TCF20: variants seen among roughly 807,000 people sequenced by gnomAD.
TCF20 encodes transcription factor 20.
Under a neutral mutation model 148.6 loss-of-function variants are expected in TCF20, and 3 were observed. The ratio of observed to expected loss-of-function variants is 0.02; its 90% CI spans 0.01 to 0.05. The LOEUF (loss-of-function observed/expected upper bound fraction) is 0.05. TCF20 is among the 10% of genes least tolerant of loss of function. TCF20 has a pLI of 1.00. For missense variants in TCF20, 2,350 were observed against 2,429.3 expected, an observed-to-expected ratio of 0.97 and a Z score of 0.69; for synonymous variants, 1,049 against 909.5, an observed-to-expected ratio of 1.15 and a Z score of -2.76.
intron 3 of TCF20, among the ~76,000 whole-genome samples, chr22:42,175,898 G>A (rs1046772945): frequency 6.6e-6 from 1 of 151,886 alleles, no homozygotes; most frequent in Non-Finnish European, 1.5e-5. Flanking sequence ...CCCCTCCTGG[G>A]TCCTTCCATC....
chr22:42,168,591 C>T lies in TCF20; in HGVS notation c.*44+18G>A. ...GGGAGCCGGGCAGGATGCAGGGAGC[C>T]CGGTGGCCCCGACTCACCTGTGCTT... On this transcript the variant is annotated intron_variant, in intron 5 of 5. Coordinates refer to ENST00000677622, the MANE Select transcript of TCF20 (RefSeq NM_001378418.1). 6.5e-7 allele frequency: 1 copy of T among 1,547,656 alleles called. No individual in the cohort carries two copies. Among genetic ancestry groups the T allele is most frequent in the Non-Finnish European group, 8.7e-7 (1 of 1,149,266 alleles).
intron 3 of TCF20, among the ~76,000 whole-genome samples, chr22:42,176,770 G>A (rs1465148953): frequency 6.6e-6 from 1 of 152,106 alleles, no homozygotes; most frequent in African/African-American, 2.4e-5. Flanking sequence ...GCATGTTCTC[G>A]CTCATGTGGA....
rs950353856 is a variant in TCF20, at chr22:42,317,538, A to G, written c.-37+25941T>C. Among the ~76,000 whole-genome samples the G allele has an allele frequency of 6.6e-6, 1 of 152,160 alleles. No homozygotes were observed. The highest frequency in any genetic ancestry group is 1.5e-5 in the Non-Finnish European group (1 of 68,026). On this transcript the variant is annotated intron_variant, in intron 1 of 1. Transcript: ENST00000515426. The surrounding 1 kb of genome is among the most constrained non-coding windows in gnomAD (Gnocchi z 4.2). ...CTCACTACCTGGTACATGGGCAAAG[A>G]AAAATACCCCCATCTCACCAAGGTG... is the stretch of plus-strand genomic sequence containing the variant.
chr22:42,285,981 G>A (rs998601666), upstream of TCF20, among the ~76,000 whole-genome samples: 3 of 152,192 alleles, frequency 2.0e-5, no homozygotes, highest in African/African-American at 7.2e-5. The surrounding 1 kb of genome is among the most constrained non-coding windows in gnomAD (Gnocchi z 4.2). Context: ...TGTAAGGCAG[G>A]AAGAAATGGT....
At chr22:42,334,643 C>T (rs551311405) in intron 1 of TCF20, among the ~76,000 whole-genome samples, 31 of 152,380 alleles carry the variant, frequency 2.0e-4, no homozygotes, top group African/African-American at 6.5e-4. Context: ...GACACACTGG[C>T]GCCTGTCATG....
chr22:42,215,101 T>C lies in TCF20; in HGVS notation c.205A>G (p.Met69Val). Reference protein sequence around the residue: ...RRGAAAAAAAMASETSGHQGY... With the variant: ...RRGAAAAAAAVASETSGHQGY... ...TGATGGCCAGAGGTCTCGCTAGCCA[T>C]CGCTGCCGCAGCAGCTGCTGCTCCT... Residue 69 changes from methionine (M) to valine (V), a missense_variant, in exon 2 of 6, where the codon ATG becomes GTG. Met to Val is a conservative substitution (Grantham distance 21). Transcript: ENST00000677622. The C allele has an allele frequency of 6.2e-7, 1 of 1,614,134 alleles. No individual in the cohort carries two copies. The highest frequency in any genetic ancestry group is 8.5e-7 in the Non-Finnish European group (1 of 1,180,000).
intron 1 of TCF20, among the ~76,000 whole-genome samples, chr22:42,247,901 A>G (rs887827150): frequency 2.0e-5 from 3 of 152,188 alleles, no homozygotes; most frequent in East Asian, 1.9e-4. Flanking sequence ...CACTAACTAG[A>G]AAGAAAAAAT....
intron 3 of TCF20, among the ~76,000 whole-genome samples, chr22:42,179,256 T>C (rs1936629181): frequency 6.6e-6 from 1 of 151,818 alleles, no homozygotes; most frequent in Non-Finnish European, 1.5e-5. Context: ...TTCACACAAA[T>C]GCTTGCATGT....
intron 1 of TCF20, among the ~76,000 whole-genome samples, chr22:42,239,290 A>T (rs1198558275): frequency 1.3e-5 from 2 of 151,430 alleles, no homozygotes; most frequent in African/African-American, 4.9e-5. Context: ...CAGCCTAGCC[A>T]ATACGGAGAA....
rs1714568679 is a variant in TCF20 at position 42,270,403 on chromosome 22, G to T, written c.-101C>A. On this transcript the variant is annotated 5_prime_UTR_variant, in exon 1 of 6. Coordinates refer to ENST00000677622, the MANE Select transcript of TCF20 (RefSeq NM_001378418.1). ...GGGCGGGCGGGGAGGGAGCGGTGGC[G>T]ACGGCGGGCGGCGCTGCGCGGGGTG... 1.3e-5 allele frequency among the ~76,000 whole-genome samples: 2 copies of T among 149,444 alleles called. No individual in the cohort carries two copies. The highest frequency in any genetic ancestry group is 2.1e-4 in the South Asian group (1 of 4,798).
intron 1 of TCF20, among the ~76,000 whole-genome samples, chr22:42,243,959 C>T (rs1924689211): frequency 6.6e-6 from 1 of 152,072 alleles, no homozygotes; most frequent in South Asian, 2.1e-4. Context: ...TCACATATTG[C>T]TGGTGGGGGC....
At chr22:42,252,333 G>A (rs1601664465) in intron 1 of TCF20, among the ~76,000 whole-genome samples, 1 of 151,586 alleles carries the variant, frequency 6.6e-6, no homozygotes, top group African/African-American at 2.4e-5. Flanking sequence ...TCAGAATTAT[G>A]GCCTAAACCC....
At chr22:42,305,316 C>T (rs896211011) in intron 1 of TCF20, among the ~76,000 whole-genome samples, 9 of 152,244 alleles carry the variant, frequency 5.9e-5, no homozygotes, top group South Asian at 2.1e-4. Context: ...CCCCTCAGGG[C>T]ATGGCACTGC....
At chr22:42,181,925 G>A (rs750695950) in intron 2 of TCF20, among the ~76,000 whole-genome samples, 3 of 152,210 alleles carry the variant, frequency 2.0e-5, no homozygotes, top group African/African-American at 4.8e-5. Flanking sequence ...AGAGACAAGA[G>A]GGAGGAACAG....
chr22:42,324,047 T>A (rs1368877165), intron 1 of TCF20, among the ~76,000 whole-genome samples: 7 of 108,864 alleles, frequency 6.4e-5, no homozygotes, highest in South Asian at 3.2e-4. Flanking sequence ...GTTATGGTGG[T>A]GGTGGTGGTG....
rs1465115636 is a variant in TCF20 at position 42,211,921 on chromosome 22, G to A, written c.3385C>T (p.Leu1129Phe). ...PRKSPRQQQF[L>F]DRVRSPLKND... ...TTCAGAGGGCTCCGTACTCTGTCAAGAAACTGCTGCTGCCTTGGACTCTTC... is the reference window on the plus strand; with the variant it reads ...TTCAGAGGGCTCCGTACTCTGTCAAAAAACTGCTGCTGCCTTGGACTCTTC... Residue 1129 changes from leucine (L) to phenylalanine (F), a missense_variant, in exon 2 of 6, where the codon CTT becomes TTT. Physicochemically the swap from Leu to Phe is conservative, Grantham distance 22. This residue lies in a region of TCF20 where 1,641 missense variants were observed against 1,662.6 expected (regional missense o/e 0.99). Transcript: ENST00000677622. The A allele has an allele frequency of 1.2e-6, 2 of 1,614,086 alleles. No homozygotes were observed. The highest frequency in any genetic ancestry group is 2.7e-5 in the African/African-American group (2 of 74,914).
At chr22:42,246,550 T>C (rs1200168735) in intron 1 of TCF20, among the ~76,000 whole-genome samples, 1 of 152,256 alleles carries the variant, frequency 6.6e-6, no homozygotes, top group African/African-American at 2.4e-5. Flanking sequence ...CGTACGTGTT[T>C]TTCTCTACCT....
intron 2 of TCF20, among the ~76,000 whole-genome samples, chr22:42,197,554 C>T (rs532380611): frequency 1.3e-5 from 2 of 152,214 alleles, no homozygotes; most frequent in South Asian, 4.2e-4. Flanking sequence ...GATCTCCTGA[C>T]CTTGTGATCC....
At chr22:42,340,894 C>T (rs547322777) in intron 1 of TCF20, among the ~76,000 whole-genome samples, 1 of 136,686 alleles carries the variant, frequency 7.3e-6, no homozygotes, top group African/African-American at 2.7e-5. Flanking sequence ...CCCCCCCCCC[C>T]ACCCCAACCA....
Sources: gnomAD v4.1 joint callset for allele counts (sites outside exome capture counted in the v4.1 genomes callset) on GRCh38, gnomAD v4.1.1 for gene constraint, gnomAD v4.1.1 regional missense constraint, Gnocchi (gnomAD v3.1) non-coding constraint, MANE v1.5 for transcripts, NCBI Gene and HGNC (gene_info 2026-07-23, HGNC 2026-07-21) for gene names.